The following OR4C16 variants were observed in gnomAD, a reference collection of about 807,000 sequenced individuals.
The protein encoded by OR4C16 is olfactory receptor family 4 subfamily C member 16.
Under a neutral mutation model 14.4 loss-of-function variants are expected in OR4C16, and 24 were observed. The observed-to-expected ratio is 1.66, with a 90% CI of 1.21 to 2.34. The LOEUF is 2.34. Among genes scored for constraint, OR4C16 ranks in the 30% most tolerant of loss-of-function variants. OR4C16 has a pLI of 0.00. For synonymous variants in OR4C16, 233 were observed against 133.5 expected (o/e 1.75, Z -5.14); for missense variants, 674 against 364.2 (o/e 1.85, Z -6.92).
Position 55,572,377 on chromosome 11 carries a change from C to G in OR4C16, c.250C>G (p.Leu84Val). The G allele has an allele frequency of 1.9e-6, 3 of 1,613,886 alleles. No individual in the cohort carries two copies. The highest frequency in any genetic ancestry group is 2.5e-6 in the Non-Finnish European group (3 of 1,179,882). ...SITPRMIVDA[L>V]LKKTTISFSE... Reference sequence around the variant, plus strand: ...AACCCCTAGAATGATTGTGGATGCCCTTTTGAAGAAGACAACTATCTCCTT... The same window carrying G: ...AACCCCTAGAATGATTGTGGATGCCGTTTTGAAGAAGACAACTATCTCCTT... Residue 84 changes from leucine (L) to valine (V), a missense_variant, in exon 1 of 1, where the codon CTT becomes GTT. Transcript: ENST00000623907.
In OR4C16 at chr11:55,572,360, G is replaced by T; in HGVS notation, c.233G>T (p.Arg78Ile). ...DTCLSTSITP[R>I]MIVDALLKKT... ...TGCCTCTCTACTTCCATAACCCCTA[G>T]AATGATTGTGGATGCCCTTTTGAAG... Residue 78 changes from arginine (R) to isoleucine (I), a missense_variant, in exon 1 of 1, where the codon AGA (arginine) becomes ATA (isoleucine). Coordinates refer to ENST00000623907, the MANE Select transcript of OR4C16 (RefSeq NM_001004701.2). The T allele has an allele frequency of 6.2e-7, 1 of 1,613,524 alleles. No individual in the cohort carries two copies. Among genetic ancestry groups the T allele is most frequent in the East Asian group, 2.2e-5 (1 of 44,864 alleles).
In OR4C16 at chr11:55,572,200, G is replaced by C; in HGVS notation, c.73G>C (p.Val25Leu). 6.2e-7 allele frequency: 1 copy of C among 1,610,938 alleles called. No individual in the cohort carries two copies. Among genetic ancestry groups the C allele is most frequent in the Non-Finnish European group, 8.5e-7 (1 of 1,177,584 alleles). ...ACAGGATCCTTTTTGGAAGAAAATAGTGTTTGTTATTTTTTTGCGTCTCTA... is the reference window on the plus strand; with the variant it reads ...ACAGGATCCTTTTTGGAAGAAAATACTGTTTGTTATTTTTTTGCGTCTCTA... ...LTQDPFWKKI[V>L]FVIFLRLYLG... The change falls in exon 1 of 1, where the codon GTG becomes CTG. Residue 25 changes from valine (V) to leucine (L), a missense_variant. Coordinates refer to ENST00000623907, the MANE Select transcript of OR4C16 (RefSeq NM_001004701.2).
Position 55,572,947 on chromosome 11 carries a change from AC to A in OR4C16, c.821del (p.Thr274LysfsTer10), listed in dbSNP as rs1266222558. 6.2e-7 allele frequency: 1 copy of A among 1,613,358 alleles called. No homozygotes were observed. Among genetic ancestry groups the A allele is most frequent in the South Asian group, 1.1e-5 (1 of 91,054 alleles). Reference protein sequence around the residue: ...PMDKMIAVFYTVGTSFLNPVI... With the variant: ...PMDKMIAVFYXVGTSFLNPVI... ...GGATAAGATGATAGCTGTATTTTAT[AC>A]AGTTGGAACATCTTTTCTCAACCCT... is the stretch of plus-strand genomic sequence containing the variant. On this transcript the variant is annotated frameshift_variant, in exon 1 of 1. Coordinates refer to ENST00000623907, the MANE Select transcript of OR4C16 (RefSeq NM_001004701.2). LOFTEE classifies it high-confidence loss of function.
rs1183103138 is a variant in OR4C16, at chr11:55,572,181, T to A, written c.54T>A (p.Asp18Glu). The change falls in exon 1 of 1, where the codon GAT becomes GAA. Residue 18 changes from aspartate (D) to glutamate (E), a missense_variant. Transcript: ENST00000623907. ...TEFILLGLTQDPFWKKIVFVI... is the reference protein window; with the variant it reads ...TEFILLGLTQEPFWKKIVFVI... ...TCATTCTGCTTGGATTGACACAGGA[T>A]CCTTTTTGGAAGAAAATAGTGTTTG... 1.2e-6 allele frequency: 2 copies of A among 1,612,488 alleles called. No individual in the cohort carries two copies. Among genetic ancestry groups the A allele is most frequent in the East Asian group, 2.2e-5 (1 of 44,852 alleles).
At position 55,572,419 on chromosome 11, in the gene OR4C16, CA is replaced by C; in HGVS notation, c.294del (p.Val99SerfsTer33). 1 of 1,613,988 alleles carries C rather than the reference CA, an allele frequency of 6.2e-7. No homozygotes were observed. The highest frequency in any genetic ancestry group is 2.2e-5 in the East Asian group (1 of 44,860). On this transcript the variant is annotated frameshift_variant, in exon 1 of 1. Transcript: ENST00000623907. LOFTEE classifies it high-confidence loss of function. ...TTISFSECMI[Q>X]VFSSHVFGCL... ...TATCTCCTTCAGCGAGTGCATGATC[CA>C]AGTCTTTTCATCCCATGTCTTTGGC...
chr11:55,572,600 T>A lies in OR4C16; in HGVS notation c.473T>A (p.Ile158Asn), dbSNP rs140495648. Residue 158 changes from isoleucine to asparagine, a missense_variant, in exon 1 of 1, where the codon ATT becomes AAT. Physicochemically the swap from Ile to Asn is moderately radical, Grantham distance 149 (BLOSUM62 -3). Coordinates refer to ENST00000623907, the MANE Select transcript of OR4C16 (RefSeq NM_001004701.2). ...TCCTGTGTGCATTCTTTAGTTCAGA[T>A]TTTTCTTGCCCTGAGTTTGCCATTC... is the stretch of plus-strand genomic sequence containing the variant. ...VGSCVHSLVQ[I>N]FLALSLPFCG... 2.3e-5 allele frequency: 37 copies of A among 1,613,994 alleles called. No individual in the cohort carries two copies. Among genetic ancestry groups the A allele is most frequent in the Non-Finnish European group, 2.9e-5 (34 of 1,180,016 alleles).
chr11:55,572,217 G>A lies in OR4C16; in HGVS notation c.90G>A (p.Leu30=), dbSNP rs528210957. ...AGAAAATAGTGTTTGTTATTTTTTT[G>A]CGTCTCTACTTGGGAACACTGTTGG... ...FWKKIVFVIF[L]RLYLGTLLGN... The change falls in exon 1 of 1, where the codon TTG becomes TTA. Residue 30 remains leucine (L), a synonymous_variant. Transcript: ENST00000623907. 282 of 1,610,554 alleles carry A rather than the reference G, an allele frequency of 1.8e-4. 3 individuals are homozygous for A. The South Asian group carries it at 3.0e-3, about 17-fold the overall frequency.
Position 55,572,901 on chromosome 11 carries a change from C to A in OR4C16, c.774C>A (p.Cys258Ter), listed in dbSNP as rs756246969. The change falls in exon 1 of 1, where the codon TGC becomes TGA. Residue 258 changes from cysteine to a stop codon, truncating the protein, a stop_gained. Transcript: ENST00000623907. LOFTEE classifies it high-confidence loss of function. ...GACCTTGCATATTTATGTACACATG[C>A]CTTGCAACCGTATTCCCCATGGATA... ...FFGPCIFMYT[C>*]LATVFPMDKM... The A allele has an allele frequency of 5.0e-6, 8 of 1,613,554 alleles. No homozygotes were observed. Among genetic ancestry groups the A allele is most frequent in the East Asian group, 2.2e-5 (1 of 44,878 alleles).
Position 55,572,713 on chromosome 11 carries a change from C to G in OR4C16, c.586C>G (p.Leu196Val), listed in dbSNP as rs1045363178. 6.2e-7 allele frequency: 1 copy of G among 1,613,448 alleles called. No individual in the cohort carries two copies. Among genetic ancestry groups the G allele is most frequent in the South Asian group, 1.1e-5 (1 of 91,036 alleles). ...TTCAGAAACCTATGTGGTTAACCTA[C>G]TCCTGGTTTCCAATAGTGGGGCCAT... is the stretch of plus-strand genomic sequence containing the variant. ...ACSETYVVNL[L>V]LVSNSGAICA... Residue 196 changes from leucine to valine, a missense_variant, in exon 1 of 1, where the codon CTC becomes GTC. By Grantham distance (32) the Leu-to-Val change is conservative. Coordinates refer to ENST00000623907, the MANE Select transcript of OR4C16 (RefSeq NM_001004701.2).
Position 55,572,612 on chromosome 11 carries a change from T to G in OR4C16, c.485T>G (p.Leu162Arg), listed in dbSNP as rs1181539325. ...TCTTTAGTTCAGATTTTTCTTGCCC[T>G]GAGTTTGCCATTCTGTGGCCCCAAT... The part of the protein sequence containing the change: ...VHSLVQIFLA[L>R]SLPFCGPNVI... The change falls in exon 1 of 1, where the codon CTG becomes CGG. Residue 162 changes from leucine to arginine, a missense_variant. Physicochemically the swap from Leu to Arg is moderately radical, Grantham distance 102. Transcript: ENST00000623907. 4 of 1,613,976 alleles carry G rather than the reference T, an allele frequency of 2.5e-6. No homozygotes were observed. The highest frequency in any genetic ancestry group is 2.5e-6 in the Non-Finnish European group (3 of 1,179,822).
rs1857410752 is a variant in OR4C16 at position 55,572,967 on chromosome 11, C to T, written c.840C>T (p.Leu280=). 1.2e-6 allele frequency: 2 copies of T among 1,613,330 alleles called. No individual in the cohort carries two copies. The highest frequency in any genetic ancestry group is 2.2e-5 in the South Asian group (2 of 91,020). ...AVFYTVGTSF[L]NPVIYTLKNT... is the part of the protein sequence containing the mutation. ...TTTATACAGTTGGAACATCTTTTCTCAACCCTGTGATTTACACGCTGAAGA... is the reference window on the plus strand; with the variant it reads ...TTTATACAGTTGGAACATCTTTTCTTAACCCTGTGATTTACACGCTGAAGA... Residue 280 remains leucine (L), a synonymous_variant, in exon 1 of 1, where the codon CTC becomes CTT. Coordinates refer to ENST00000623907, the MANE Select transcript of OR4C16 (RefSeq NM_001004701.2).
Position 55,572,584 on chromosome 11 carries a change from CA to C in OR4C16, c.458del (p.His153LeufsTer3). ...TGTGGCCTGGGTGGGATCCTGTGTG[CA>C]TTCTTTAGTTCAGATTTTTCTTGCC... Reference protein sequence around the residue: ...MAVAWVGSCVHSLVQIFLALS... With the variant: ...MAVAWVGSCVXSLVQIFLALS... On this transcript the variant is annotated frameshift_variant, in exon 1 of 1. Transcript: ENST00000623907. LOFTEE classifies it high-confidence loss of function. 6.2e-7 allele frequency: 1 copy of C among 1,614,072 alleles called. No individual in the cohort carries two copies. The highest frequency in any genetic ancestry group is 8.5e-7 in the Non-Finnish European group (1 of 1,179,974).
At position 55,572,851 on chromosome 11, in the gene OR4C16, A is replaced by G. The variant is rs766695808; in HGVS notation, c.724A>G (p.Ile242Val). Reference protein sequence around the residue: ...KKALSTCVSHIIVVILFFGPC... With the variant: ...KKALSTCVSHVIVVILFFGPC... ...AGCACTTTCCACATGTGTCTCCCAC[A>G]TCATTGTGGTCATCTTGTTCTTTGG... The change falls in exon 1 of 1, where the codon ATC becomes GTC. Residue 242 changes from isoleucine to valine, a missense_variant. Physicochemically the swap from Ile to Val is conservative, Grantham distance 29 (BLOSUM62 3). Coordinates refer to ENST00000623907, the MANE Select transcript of OR4C16 (RefSeq NM_001004701.2). The G allele has an allele frequency of 4.3e-6, 7 of 1,613,998 alleles. No homozygotes were observed. Among genetic ancestry groups the G allele is most frequent in the Non-Finnish European group, 5.9e-6 (7 of 1,179,878 alleles).
At position 55,572,866 on chromosome 11, in the gene OR4C16, T is replaced by C. The variant is rs756231148; in HGVS notation, c.739T>C (p.Leu247=). ...TGTCTCCCACATCATTGTGGTCATCTTGTTCTTTGGACCTTGCATATTTAT... is the reference window on the plus strand; with the variant it reads ...TGTCTCCCACATCATTGTGGTCATCCTGTTCTTTGGACCTTGCATATTTAT... ...TCVSHIIVVI[L]FFGPCIFMYT... is the part of the protein sequence containing the mutation. Residue 247 remains leucine, a synonymous_variant, in exon 1 of 1, where the codon TTG becomes CTG. Coordinates refer to ENST00000623907, the MANE Select transcript of OR4C16 (RefSeq NM_001004701.2). 9 of 1,613,872 alleles carry C rather than the reference T, an allele frequency of 5.6e-6. No individual in the cohort carries two copies. In the South Asian group the frequency reaches 9.9e-5, roughly 18 times the overall value.
At position 55,572,202 on chromosome 11, in the gene OR4C16, G is replaced by C; in HGVS notation, c.75G>C (p.Val25=). The change falls in exon 1 of 1, where the codon GTG becomes GTC. Residue 25 remains valine, a synonymous_variant. Coordinates refer to ENST00000623907, the MANE Select transcript of OR4C16 (RefSeq NM_001004701.2). ...AGGATCCTTTTTGGAAGAAAATAGT[G>C]TTTGTTATTTTTTTGCGTCTCTACT... ...LTQDPFWKKI[V]FVIFLRLYLG... The C allele has an allele frequency of 1.2e-6, 2 of 1,611,344 alleles. No homozygotes were observed. The highest frequency in any genetic ancestry group is 1.7e-6 in the Non-Finnish European group (2 of 1,177,760).
rs1218677295 is a variant in OR4C16, at chr11:55,572,382, G to A, written c.255G>A (p.Leu85=). The A allele has an allele frequency of 7.4e-6, 12 of 1,613,932 alleles. No individual in the cohort carries two copies. Among genetic ancestry groups the A allele is most frequent in the East Asian group, 2.2e-5 (1 of 44,860 alleles). ...CTAGAATGATTGTGGATGCCCTTTT[G>A]AAGAAGACAACTATCTCCTTCAGCG... ...ITPRMIVDAL[L]KKTTISFSEC... is the part of the protein sequence containing the mutation. The change falls in exon 1 of 1, where the codon TTG becomes TTA. Residue 85 remains leucine, a synonymous_variant. Transcript: ENST00000623907.
At position 55,572,544 on chromosome 11, in the gene OR4C16, T is replaced by C. The variant is rs932180838; in HGVS notation, c.417T>C (p.Cys139=). ...TGACCATCATAAGCCAGTGGGTCTG[T>C]GGTGTTTTGATGGCTGTGGCCTGGG... The part of the protein sequence containing the change: ...HYMTIISQWV[C]GVLMAVAWVG... Residue 139 remains cysteine (C), a synonymous_variant, in exon 1 of 1, where the codon TGT becomes TGC. Coordinates refer to ENST00000623907, the MANE Select transcript of OR4C16 (RefSeq NM_001004701.2). The C allele has an allele frequency of 6.2e-7, 1 of 1,614,056 alleles. No individual in the cohort carries two copies. The highest frequency in any genetic ancestry group is 8.5e-7 in the Non-Finnish European group (1 of 1,179,990).
chr11:55,572,684 C>T lies in OR4C16; in HGVS notation c.557C>T (p.Ala186Val), dbSNP rs986756471. 3 of 1,613,822 alleles carry T rather than the reference C, an allele frequency of 1.9e-6. No homozygotes were observed. Among genetic ancestry groups the T allele is most frequent in the African/African-American group, 1.3e-5 (1 of 74,904 alleles). The change falls in exon 1 of 1, where the codon GCC becomes GTC. Residue 186 changes from alanine to valine, a missense_variant. By Grantham distance (64) the Ala-to-Val change is moderately conservative (BLOSUM62 0). Transcript: ENST00000623907. ...GACTTGCAGCCCTTGTTGAAACAAG[C>T]CTGTTCAGAAACCTATGTGGTTAAC... ...FCDLQPLLKQ[A>V]CSETYVVNLL...
chr11:55,572,993 A>G lies in OR4C16; in HGVS notation c.866A>G (p.Asn289Ser). Reference protein sequence around the residue: ...FLNPVIYTLKNTEVKSAMRKL... With the variant: ...FLNPVIYTLKSTEVKSAMRKL... ...AACCCTGTGATTTACACGCTGAAGA[A>G]TACAGAAGTGAAAAGTGCCATGAGG... Residue 289 changes from asparagine to serine, a missense_variant, in exon 1 of 1, where the codon AAT (asparagine) becomes AGT (serine). Physicochemically the swap from Asn to Ser is conservative, Grantham distance 46. Coordinates refer to ENST00000623907, the MANE Select transcript of OR4C16 (RefSeq NM_001004701.2). 1 of 1,606,138 alleles carries G rather than the reference A, an allele frequency of 6.2e-7. No homozygotes were observed. The highest frequency in any genetic ancestry group is 8.5e-7 in the Non-Finnish European group (1 of 1,174,658).
Sources: allele counts gnomAD v4.1 joint callset, GRCh38; gene constraint gnomAD v4.1.1; transcripts MANE v1.5; gene names NCBI Gene and HGNC (gene_info 2026-07-23, HGNC 2026-07-21).